Variants in TAFA2 observed in about 807,000 individuals in gnomAD.
TAFA2 encodes the protein TAFA chemokine like family member 2.
Under a neutral mutation model 18.8 loss-of-function variants are expected in TAFA2, and 7 were observed. That is an observed-to-expected ratio of 0.37 (90% CI 0.21 to 0.70). The LOEUF (loss-of-function observed/expected upper bound fraction) is 0.70. Among genes scored for constraint, TAFA2 ranks in the 30% least tolerant of loss-of-function variants. The probability of loss-of-function intolerance (pLI) is 0.53; values close to 1 mark genes in which losing one functional copy is unlikely to be tolerated. For synonymous variants in TAFA2, 60 were observed against 54.2 expected (o/e 1.11, Z -0.47); for missense variants, 122 against 158.1 (o/e 0.77, Z 1.23).
At chr12:62,080,014 G>A (rs1288551046) in intron 1 of TAFA2, among the ~76,000 whole-genome samples, 1 of 152,156 alleles carries the variant, frequency 6.6e-6, no homozygotes, top group Non-Finnish European at 1.5e-5. Flanking sequence ...GGTCAGCCAG[G>A]CTGCATTCTC....
At chr12:62,034,874 TCAAA>T (rs1408421105) in intron 1 of TAFA2, among the ~76,000 whole-genome samples, 1 of 152,138 alleles carries the variant, frequency 6.6e-6, no homozygotes, top group Non-Finnish European at 1.5e-5. Context: ...TTTTTAAAAA[TCAAA>T]CAATGTAAAA....
At chr12:62,044,613 G>C (rs1881860443) in intron 1 of TAFA2, among the ~76,000 whole-genome samples, 1 of 152,052 alleles carries the variant, frequency 6.6e-6, no homozygotes, top group Non-Finnish European at 1.5e-5. Flanking sequence ...TGCTCTTTTT[G>C]TCCAGCTCCA....
intron 2 of TAFA2, among the ~76,000 whole-genome samples, chr12:61,859,385 T>C (rs574168670): frequency 4.6e-5 from 7 of 152,218 alleles, no homozygotes; most frequent in Non-Finnish European, 8.8e-5. Context: ...TTCAAGGTAA[T>C]GTTTGGGTGG....
At position 61,983,383 on chromosome 12, in the gene TAFA2, G is replaced by GTTTGTTTTGTTTTGT. The variant is rs10524394; in HGVS notation, c.-1-115972_-1-115958dup. On this transcript the variant is annotated intron_variant, in intron 1 of 4. Transcript: ENST00000416284. ...CTAGGTGCTAGGTCCCTGGGATTCT[G>GTTTGTTTTGTTTTGT]TTTGTTTTGTTTTGTTTTGTTTTGT... Among the ~76,000 whole-genome samples, 222 of 146,752 alleles carry GTTTGTTTTGTTTTGT rather than the reference G, an allele frequency of 1.5e-3. 1 individual carries two copies. The highest frequency in any genetic ancestry group is 1.6e-3 in the East Asian group (8 of 4,940).
chr12:62,094,502 A>T (rs1444255), intron 1 of TAFA2, among the ~76,000 whole-genome samples: 28,435 of 151,904 alleles, frequency 0.19, 2,908 homozygotes, highest in East Asian at 0.39. Context: ...AAAAATTTTT[A>T]AAAAAAGAAA....
At chr12:62,099,471 C>T (rs1276126656) in intron 1 of TAFA2, among the ~76,000 whole-genome samples, 1 of 152,276 alleles carries the variant, frequency 6.6e-6, no homozygotes, top group African/African-American at 2.4e-5. Context: ...TTAGACCACA[C>T]TAGCACTTAA....
At chr12:62,227,680 T>A (rs1299306797) in intron 1 of TAFA2, among the ~76,000 whole-genome samples, 2 of 152,210 alleles carry the variant, frequency 1.3e-5, no homozygotes, top group Admixed American at 1.3e-4. Flanking sequence ...TGAGGTCTTA[T>A]CCAAAATGTC....
In TAFA2 at chr12:61,927,069, G is replaced by GAA. The variant is rs56908081; in HGVS notation, c.-1-59645_-1-59644dup. On this transcript the variant is annotated intron_variant, in intron 1 of 4. Transcript: ENST00000416284. ...CAACCTGGTGACAGAGTGAGACTCT[G>GAA]AAAAAAAAAAAAAAAAAAAAAAAAA... 3.4e-3 allele frequency among the ~76,000 whole-genome samples: 237 copies of GAA among 69,912 alleles called. 4 individuals carry two copies. Among genetic ancestry groups the GAA allele is most frequent in the African/African-American group, 0.011 (193 of 17,210 alleles). 45.9% of individuals were successfully genotyped at this position (69,912 alleles called of 152,430 possible). A position where few individuals can be genotyped will look rare whatever the true frequency, so the allele number is the denominator to read the frequency against.
At chr12:62,013,688 C>A (rs1355711912) in intron 1 of TAFA2, among the ~76,000 whole-genome samples, 7 of 152,176 alleles carry the variant, frequency 4.6e-5, no homozygotes, top group African/African-American at 1.4e-4. Context: ...TATGAAATTT[C>A]TTTTTGCTCT....
intron 1 of TAFA2, among the ~76,000 whole-genome samples, chr12:62,257,162 A>ATGTGTGTGTG (rs71450578): frequency 1.6e-4 from 8 of 50,914 alleles, no homozygotes; most frequent in African/African-American, 4.3e-4. Context: ...ATACATATAT[A>ATGTGTGTGTG]TGTGTGTGTG....
At chr12:61,876,883 A>C (rs1874871734) in intron 1 of TAFA2, among the ~76,000 whole-genome samples, 1 of 152,302 alleles carries the variant, frequency 6.6e-6, no homozygotes, top group East Asian at 1.9e-4. Flanking sequence ...ACTAGCGTTA[A>C]ATCCCTGAGC....
intron 1 of TAFA2, chr12:62,207,349 T>C (rs1259210088): frequency 6.6e-6 from 1 of 152,174 alleles, no homozygotes; most frequent in African/African-American, 2.4e-5. Context: ...AATAATGACT[T>C]TAAGCCTCAA....
chr12:61,878,131 T>G (rs1221791510), intron 1 of TAFA2: 2 of 453,996 alleles, frequency 4.4e-6, no homozygotes, highest in Admixed American at 2.4e-5. Flanking sequence ...AGAATAGAGA[T>G]TACCAGGAGC....
At chr12:62,120,937 C>G (rs1870168414) in intron 1 of TAFA2, among the ~76,000 whole-genome samples, 1 of 152,078 alleles carries the variant, frequency 6.6e-6, no homozygotes, top group Non-Finnish European at 1.5e-5. Flanking sequence ...CTCACTGCAG[C>G]CTCTGCCTCC....
chr12:62,259,878 G>GT (rs1387286884), upstream of TAFA2: 2 of 157,570 alleles, frequency 1.3e-5, no homozygotes, highest in East Asian at 3.9e-4. Flanking sequence ...GTTTCGGAGT[G>GT]TTTTTTGTGT....
At chr12:62,002,228 T>C (rs7314952) in intron 1 of TAFA2, among the ~76,000 whole-genome samples, 19,866 of 152,192 alleles carry the variant, frequency 0.13, 1,561 homozygotes, top group African/African-American at 0.21. Flanking sequence ...TATTTCTAGA[T>C]TTATTTATTT....
At chr12:62,138,758 A>T (rs1003865846) in intron 1 of TAFA2, among the ~76,000 whole-genome samples, 10 of 152,198 alleles carry the variant, frequency 6.6e-5, no homozygotes, top group Non-Finnish European at 1.5e-4. Flanking sequence ...GGTACAACCA[A>T]AGGGCTCCTG....
chr12:62,187,298 T>C (rs1381773996), intron 1 of TAFA2, among the ~76,000 whole-genome samples: 2 of 152,130 alleles, frequency 1.3e-5, no homozygotes, highest in Non-Finnish European at 2.9e-5. Context: ...AAATAGAATG[T>C]ATTAACAATG....
chr12:61,803,781 A>G (rs1472273996), intron 2 of TAFA2, among the ~76,000 whole-genome samples: 1 of 152,008 alleles, frequency 6.6e-6, no homozygotes, highest in Non-Finnish European at 1.5e-5. Flanking sequence ...ATTATACATC[A>G]CTGAAATAAC....
Sources: allele counts gnomAD v4.1 joint callset (sites outside exome capture counted in the v4.1 genomes callset), GRCh38; gene constraint gnomAD v4.1.1; transcripts MANE v1.5; gene names NCBI Gene and HGNC (gene_info 2026-07-23, HGNC 2026-07-21).